The following ESRRG variants were observed in gnomAD, a reference collection of about 807,000 sequenced individuals.
ESRRG encodes the protein estrogen related receptor gamma.
Under a neutral mutation model 44.0 loss-of-function variants are expected in ESRRG, and 13 were observed. The observed-to-expected ratio is 0.30, with a 90% CI of 0.19 to 0.47. The LOEUF (loss-of-function observed/expected upper bound fraction) is 0.47. Among genes scored for constraint, ESRRG ranks in the 20% least tolerant of loss-of-function variants. The pLI is 1.00. For synonymous variants in ESRRG, 215 were observed against 214.6 expected, an observed-to-expected ratio of 1.00 and a Z score of -0.02; for missense variants, 395 against 580.6, an observed-to-expected ratio of 0.68 and a Z score of 3.29.
At position 216,928,444 on chromosome 1, in the gene ESRRG, A is replaced by C. The variant is rs77993169; in HGVS notation, c.-14+11138T>G. Among the ~76,000 whole-genome samples, 953 of 152,278 alleles carry C rather than the reference A, an allele frequency of 6.3e-3. 11 individuals carry two copies. The highest frequency in any genetic ancestry group is 0.021 in the African/African-American group (887 of 41,556). ...TATTTACTATCATTAAGAAACTCAC[A>C]GCATCCATCTTCATTGCCTTCTTCA... On this transcript the variant is annotated intron_variant, in intron 2 of 7. Coordinates refer to the ESRRG transcript ENST00000359162.
intron 2 of ESRRG, among the ~76,000 whole-genome samples, chr1:216,776,488 A>C (rs1024692207): frequency 2.6e-5 from 4 of 151,948 alleles, no homozygotes; most frequent in African/African-American, 4.8e-5. Context: ...GCATTCCTTC[A>C]CTGGACTTCA....
chr1:216,764,826 G>C (rs1335502784), intron 2 of ESRRG, among the ~76,000 whole-genome samples: 1 of 152,084 alleles, frequency 6.6e-6, no homozygotes, highest in Admixed American at 6.6e-5. Flanking sequence ...TAATTGCAGG[G>C]GTAGGGGAAC....
intron 2 of ESRRG, among the ~76,000 whole-genome samples, chr1:216,811,205 A>C (rs947039254): frequency 2.0e-4 from 31 of 152,134 alleles, no homozygotes; most frequent in African/African-American, 7.0e-4. Flanking sequence ...ATCAAATAAG[A>C]TGAGATAATA....
chr1:216,935,790 T>C (rs1182891525), intron 2 of ESRRG, among the ~76,000 whole-genome samples: 2 of 151,992 alleles, frequency 1.3e-5, no homozygotes, highest in East Asian at 3.9e-4. Flanking sequence ...CTAATTTTTA[T>C]ATTTTTAGTA....
intron 1 of ESRRG, among the ~76,000 whole-genome samples, chr1:217,062,222 C>T (rs1264098548): frequency 6.6e-6 from 1 of 152,100 alleles, no homozygotes; most frequent in Non-Finnish European, 1.5e-5. Flanking sequence ...GATGCCGCAG[C>T]TGGTTTTGCA....
chr1:216,799,210 G>T (rs2094550799), intron 2 of ESRRG, among the ~76,000 whole-genome samples: 1 of 152,018 alleles, frequency 6.6e-6, no homozygotes, highest in African/African-American at 2.4e-5. Flanking sequence ...AAAAGGGGAA[G>T]AATATTCTCT....
At chr1:216,779,988 T>G (rs74517773) in intron 2 of ESRRG, among the ~76,000 whole-genome samples, 11,746 of 151,878 alleles carry the variant, frequency 0.077, 584 homozygotes, top group Middle Eastern at 0.14. Flanking sequence ...GAAGCATGTT[T>G]GTTAGTTTCT....
intron 2 of ESRRG, among the ~76,000 whole-genome samples, chr1:216,667,916 T>C (rs895012292): frequency 6.6e-6 from 1 of 151,550 alleles, no homozygotes; most frequent in Non-Finnish European, 1.5e-5. Context: ...ACTAACATGG[T>C]GAAACCCCGT....
At chr1:217,104,593 TA>T (rs2092563781) in intron 1 of ESRRG, among the ~76,000 whole-genome samples, 1 of 152,028 alleles carries the variant, frequency 6.6e-6, no homozygotes, top group Admixed American at 6.6e-5. Flanking sequence ...GATGATGGGG[TA>T]AATGAGAGTG....
upstream of ESRRG, among the ~76,000 whole-genome samples, chr1:216,725,659 A>C (rs2087363662): frequency 6.6e-6 from 1 of 152,150 alleles, no homozygotes; most frequent in African/African-American, 2.4e-5. Context: ...CAGGGTAATT[A>C]ATAGATTCAA....
chr1:216,826,764 T>A (rs972890982), intron 2 of ESRRG, among the ~76,000 whole-genome samples: 1 of 152,092 alleles, frequency 6.6e-6, no homozygotes, highest in Non-Finnish European at 1.5e-5. Flanking sequence ...GATCCCAGAG[T>A]CTTTAGCTAG....
chr1:216,519,791 A>G (rs1430757298), intron 5 of ESRRG, among the ~76,000 whole-genome samples: 1 of 148,110 alleles, frequency 6.8e-6, no homozygotes, highest in Non-Finnish European at 1.5e-5. Flanking sequence ...TCTAAAAACT[A>G]CTATTGGTAA....
chr1:217,130,099 T>C (rs1266838300), intron 1 of ESRRG, among the ~76,000 whole-genome samples: 1 of 152,218 alleles, frequency 6.6e-6, no homozygotes, highest in Non-Finnish European at 1.5e-5. Flanking sequence ...AGGAGTGGAA[T>C]ACTACATCTA....
intron 5 of ESRRG, among the ~76,000 whole-genome samples, chr1:216,525,637 T>C (rs1030914719): frequency 6.6e-6 from 1 of 151,940 alleles, no homozygotes; most frequent in Non-Finnish European, 1.5e-5. Context: ...ATCAAGAAAA[T>C]AGGAAAGCAA....
At chr1:216,653,432 G>A (rs1374026824) in intron 2 of ESRRG, among the ~76,000 whole-genome samples, 1 of 152,134 alleles carries the variant, frequency 6.6e-6, no homozygotes, top group African/African-American at 2.4e-5. Context: ...TAAACTATAA[G>A]GCTTACAAAC....
chr1:216,753,097 C>T (rs1215405667), intron 2 of ESRRG, among the ~76,000 whole-genome samples: 1 of 151,688 alleles, frequency 6.6e-6, no homozygotes, highest in African/African-American at 2.4e-5. Context: ...GCTTTGCTGT[C>T]TTTGTAACCT....
intron 1 of ESRRG, among the ~76,000 whole-genome samples, chr1:217,036,731 G>A (rs1210885651): frequency 6.6e-6 from 1 of 151,574 alleles, no homozygotes; most frequent in African/African-American, 2.4e-5. Flanking sequence ...TTAATACCTG[G>A]GTGATGAAAC....
chr1:217,067,544 T>A (rs141488763), intron 1 of ESRRG, among the ~76,000 whole-genome samples: 42 of 152,332 alleles, frequency 2.8e-4, no homozygotes, highest in African/African-American at 6.0e-4. Flanking sequence ...TTGTTCAGTC[T>A]GCCAGTAACA....
intron 1 of ESRRG, among the ~76,000 whole-genome samples, chr1:216,949,457 T>C (rs1343062262): frequency 2.0e-5 from 3 of 152,178 alleles, no homozygotes; most frequent in Admixed American, 6.5e-5. Context: ...CACTTTGTAC[T>C]TAACCTTCTT....
Sources: gnomAD v4.1 joint callset for allele counts (sites outside exome capture counted in the v4.1 genomes callset) on GRCh38, gnomAD v4.1.1 for gene constraint, MANE v1.5 for transcripts, NCBI Gene and HGNC (gene_info 2026-07-23, HGNC 2026-07-21) for gene names.